The following CENPQ variants were observed in gnomAD, a reference collection of about 807,000 sequenced individuals.
CENPQ encodes the protein chromosome 6 open reading frame 139.
Under a neutral mutation model 36.6 loss-of-function variants are expected in CENPQ, and 27 were observed. The ratio of observed to expected loss-of-function variants is 0.74; its 90% CI spans 0.54 to 1.02. The LOEUF (loss-of-function observed/expected upper bound fraction) is 1.02. Ranked by LOEUF, CENPQ falls within the 50% of genes least tolerant of loss-of-function variation. The probability of loss-of-function intolerance (pLI) is 0.00; values close to 1 mark genes in which losing one functional copy is unlikely to be tolerated. For synonymous variants in CENPQ, 101 were observed against 101.7 expected (o/e 0.99, Z 0.04); for missense variants, 306 against 301.8 (o/e 1.01, Z -0.10).
intron 5 of CENPQ, among the ~76,000 whole-genome samples, chr6:49,475,419 T>C (rs964243469): frequency 7.9e-5 from 12 of 152,206 alleles, no homozygotes; most frequent in Admixed American, 6.5e-4. Flanking sequence ...TGAGGGGATG[T>C]ATCTGAAAAT....
chr6:49,468,364 A>C (rs751363244), intron 1 of CENPQ, among the ~76,000 whole-genome samples: 1 of 151,998 alleles, frequency 6.6e-6, no homozygotes, highest in Non-Finnish European at 1.5e-5. Context: ...AGACCGAGGC[A>C]GGAGGATCAC....
chr6:49,475,581 A>C (rs1768266888), intron 5 of CENPQ, among the ~76,000 whole-genome samples: 1 of 152,224 alleles, frequency 6.6e-6, no homozygotes, highest in Non-Finnish European at 1.5e-5. Context: ...CAGGGCAATC[A>C]GGCAGGAGAA....
chr6:49,479,139 G>T (rs1254444950), intron 5 of CENPQ, among the ~76,000 whole-genome samples: 2 of 152,126 alleles, frequency 1.3e-5, no homozygotes, highest in Non-Finnish European at 2.9e-5. Flanking sequence ...ACTAGAGTTT[G>T]TCTTAACAGT....
At chr6:49,466,605 G>A (rs931583972) in intron 1 of CENPQ, among the ~76,000 whole-genome samples, 1 of 152,112 alleles carries the variant, frequency 6.6e-6, no homozygotes, top group African/African-American at 2.4e-5. Context: ...CTAAGCTGTG[G>A]TTTCCCTTGG....
At chr6:49,480,865 T>C (rs1186407166) in intron 5 of CENPQ, 86 bp from the exon 6 acceptor site, 5 of 912,516 alleles carry the variant, frequency 5.5e-6, no homozygotes, top group Non-Finnish European at 7.8e-6. Flanking sequence ...CTTAAGAATA[T>C]GAGGACAAGA....
chr6:49,467,887 A>ACTTAC (rs1180194911), intron 1 of CENPQ, among the ~76,000 whole-genome samples: 10 of 152,164 alleles, frequency 6.6e-5, no homozygotes, highest in Non-Finnish European at 1.5e-4. Flanking sequence ...GGTAGAAGGT[A>ACTTAC]CAGTGTATGT....
At chr6:49,476,899 T>A (rs1352912193) in intron 5 of CENPQ, among the ~76,000 whole-genome samples, 1 of 152,116 alleles carries the variant, frequency 6.6e-6, no homozygotes, top group Admixed American at 6.5e-5. Flanking sequence ...AGAATGGCGA[T>A]CATTAAAAAG....
At position 49,470,198 on chromosome 6, in the gene CENPQ, T is replaced by A. The variant is rs762968545; in HGVS notation, c.22T>A (p.Ser8Thr). MSGKANA[S>T]KKNAQQLKRN... ...CAAGATGTCTGGTAAAGCAAATGCTTCCAAGAAAAACGCTCAACAGTTAAA... is the reference window on the plus strand; with the variant it reads ...CAAGATGTCTGGTAAAGCAAATGCTACCAAGAAAAACGCTCAACAGTTAAA... The change falls in exon 2 of 9, where the codon TCC (serine) becomes ACC (threonine). Residue 8 changes from serine (S) to threonine (T), a missense_variant. Transcript: ENST00000335783. The A allele has an allele frequency of 3.1e-6, 5 of 1,608,100 alleles. No homozygotes were observed. The highest frequency in any genetic ancestry group is 3.4e-6 in the Non-Finnish European group (4 of 1,176,628).
At chr6:49,479,315 G>A (rs1376817389) in intron 5 of CENPQ, among the ~76,000 whole-genome samples, 2 of 152,026 alleles carry the variant, frequency 1.3e-5, no homozygotes, top group South Asian at 2.1e-4. Flanking sequence ...TAAAAAGTGG[G>A]CAAAGGACAT....
chr6:49,473,023 CAT>C (rs147776894), intron 5 of CENPQ, among the ~76,000 whole-genome samples, 165 bp downstream of exon 5: 6,044 of 152,038 alleles, frequency 0.04, 254 homozygotes, highest in African/African-American at 0.11. Context: ...TGCTGCTCCA[CAT>C]GTTTCTCAAA....
intron 6 of CENPQ, among the ~76,000 whole-genome samples, chr6:49,483,501 A>C (rs971518519): frequency 2.6e-5 from 4 of 152,112 alleles, no homozygotes; most frequent in Admixed American, 6.5e-5. Context: ...CTCCTGCTGC[A>C]CAGGAACCCT....
chr6:49,480,145 G>A (rs1045147767), intron 5 of CENPQ, among the ~76,000 whole-genome samples: 1 of 151,974 alleles, frequency 6.6e-6, no homozygotes, highest in East Asian at 1.9e-4. Context: ...CCCAAAAGTG[G>A]GATAGTGGGT....
rs994198694 is a variant in CENPQ, at chr6:49,476,849, G to A, written c.347+3991G>A. On this transcript the variant is annotated intron_variant, in intron 5 of 8. Coordinates refer to ENST00000335783, the MANE Select transcript of CENPQ (RefSeq NM_018132.4). ...CATCATCACTGGCCATCAGAGAAAC[G>A]CAAATCAAAACCACAATGAGATACC... Among the ~76,000 whole-genome samples, 45 of 152,274 alleles carry A rather than the reference G, an allele frequency of 3.0e-4. 1 individual carries two copies. The highest frequency in any genetic ancestry group is 2.2e-3 in the Admixed American group (33 of 15,286).
chr6:49,465,011 A>G (rs1767968030), intron 1 of CENPQ, among the ~76,000 whole-genome samples: 1 of 152,246 alleles, frequency 6.6e-6, no homozygotes, highest in South Asian at 2.1e-4. Context: ...CAGAGGAATC[A>G]CTGTCTAGGG....
At chr6:49,472,023 C>G in intron 3 of CENPQ, 40 bp from the exon 4 acceptor site, 1 of 1,560,988 alleles carries the variant, frequency 6.4e-7, no homozygotes, top group Non-Finnish European at 8.6e-7. Context: ...ACATGTAAAA[C>G]ATCTAGATTG....
intron 6 of CENPQ, among the ~76,000 whole-genome samples, chr6:49,485,762 A>G (rs1387941358): frequency 6.6e-6 from 1 of 151,972 alleles, no homozygotes; most frequent in Non-Finnish European, 1.5e-5. Context: ...GATAAAGAGA[A>G]AATTTTCAGA....
At chr6:49,470,483 G>A (rs1768103881) in intron 2 of CENPQ, among the ~76,000 whole-genome samples, 1 of 151,680 alleles carries the variant, frequency 6.6e-6, no homozygotes, top group Non-Finnish European at 1.5e-5. Flanking sequence ...GCCAGGCGTG[G>A]TGGTGCACAC....
At chr6:49,490,262 A>C (rs181177163) in intron 8 of CENPQ, among the ~76,000 whole-genome samples, 48 of 152,370 alleles carry the variant, frequency 3.2e-4, no homozygotes, top group Admixed American at 2.0e-3. Context: ...TTCTATCAGC[A>C]CTTGCTGCTT....
intron 1 of CENPQ, among the ~76,000 whole-genome samples, chr6:49,469,294 T>C (rs1581843359): frequency 6.6e-6 from 1 of 152,356 alleles, no homozygotes; most frequent in Non-Finnish European, 1.5e-5. Context: ...TATCTGTATA[T>C]CTAGCTATGG....
Sources: gnomAD v4.1 joint callset for allele counts (sites outside exome capture counted in the v4.1 genomes callset) on GRCh38, gnomAD v4.1.1 for gene constraint, MANE v1.5 for transcripts, NCBI Gene and HGNC (gene_info 2026-07-23, HGNC 2026-07-21) for gene names.